The following ABHD17C variants were observed in gnomAD, a reference collection of about 807,000 sequenced individuals.
The protein encoded by ABHD17C is abhydrolase domain containing 17C, depalmitoylase.
In ABHD17C, 11 loss-of-function variants were observed where a neutral mutation model predicts 27.9. The ratio of observed to expected loss-of-function variants is 0.39; its 90% CI spans 0.25 to 0.65. The LOEUF is 0.65. Among genes scored for constraint, ABHD17C ranks in the 30% least tolerant of loss-of-function variants. The pLI, the probability that ABHD17C is intolerant of heterozygous loss-of-function variation, is 0.45. For synonymous variants in ABHD17C, 233 were observed against 209.1 expected, an observed-to-expected ratio of 1.11 and a Z score of -0.98; for missense variants, 280 against 470.2, an observed-to-expected ratio of 0.60 and a Z score of 3.74.
At chr15:80,737,185 A>G (rs185189383) in intron 1 of ABHD17C, among the ~76,000 whole-genome samples, 1 of 152,240 alleles carries the variant, frequency 6.6e-6, no homozygotes, top group Admixed American at 6.5e-5. Flanking sequence ...ACTGCCCGTG[A>G]CAAAGAGTAA....
chr15:80,725,864 G>A (rs1382068727), intron 1 of ABHD17C, among the ~76,000 whole-genome samples: 1 of 152,002 alleles, frequency 6.6e-6, no homozygotes, highest in Non-Finnish European at 1.5e-5. Flanking sequence ...TTGTTGCTGT[G>A]CTGAGACCAG....
Position 80,726,527 on chromosome 15 carries a change from T to C in ABHD17C, c.591-22986T>C, listed in dbSNP as rs1385728833. On this transcript the variant is annotated intron_variant, in intron 1 of 2. Transcript: ENST00000258884. ...TTTTTTTTTTTTTTTTTTTTTTTTTTTTGAGACGGAGCCTTGCTCTGTCGC... is the reference window on the plus strand; with the variant it reads ...TTTTTTTTTTTTTTTTTTTTTTTTTCTTGAGACGGAGCCTTGCTCTGTCGC... Among the ~76,000 whole-genome samples, 3 of 114,262 alleles carry C rather than the reference T, an allele frequency of 2.6e-5. No individual in the cohort carries two copies. The East Asian group carries it at 6.2e-4, about 24-fold the overall frequency. The allele number at this position is 114,262 out of a possible 152,430, so 75.0% of individuals were successfully genotyped here. A position where few individuals can be genotyped will look rare whatever the true frequency, so the allele number is the denominator to read the frequency against.
At chr15:80,713,382 T>TTTTTTTC (rs1567032390) in intron 1 of ABHD17C, among the ~76,000 whole-genome samples, 1 of 95,964 alleles carries the variant, frequency 1.0e-5, no homozygotes, top group Non-Finnish European at 2.5e-5. Flanking sequence ...TTTTTTTTTT[T>TTTTTTTC]CAAAATCAGC....
intron 1 of ABHD17C, among the ~76,000 whole-genome samples, chr15:80,721,201 AT>A (rs1894892905): frequency 7.7e-6 from 1 of 129,608 alleles, no homozygotes; most frequent in South Asian, 2.6e-4. Context: ...GTGTTTACCC[AT>A]CATTTTTTGT....
chr15:80,735,204 A>G (rs2759314), intron 1 of ABHD17C, among the ~76,000 whole-genome samples: 137,015 of 152,250 alleles, frequency 0.9, 61,786 homozygotes, highest in East Asian at 0.97. Context: ...CTGAGAGGTT[A>G]ACCTTTTATG....
chr15:80,722,479 C>T (rs546505305), intron 1 of ABHD17C, among the ~76,000 whole-genome samples: 41 of 151,996 alleles, frequency 2.7e-4, no homozygotes, highest in Middle Eastern at 3.4e-3. Context: ...CCTATGAAAC[C>T]ATCAAACTGT....
chr15:80,729,359 T>TA (rs1346223063), intron 1 of ABHD17C, among the ~76,000 whole-genome samples: 2 of 152,240 alleles, frequency 1.3e-5, no homozygotes, highest in African/African-American at 4.8e-5. Flanking sequence ...GAAATCTTAA[T>TA]AAAATCTTAA....
intron 1 of ABHD17C, among the ~76,000 whole-genome samples, chr15:80,739,951 G>A (rs1448060068): frequency 6.6e-6 from 1 of 152,142 alleles, no homozygotes; most frequent in Non-Finnish European, 1.5e-5. Flanking sequence ...CAGATGCTAT[G>A]TGTGTTCTGA....
chr15:80,726,328 G>A (rs1217331062), intron 1 of ABHD17C, among the ~76,000 whole-genome samples: 1 of 152,106 alleles, frequency 6.6e-6, no homozygotes, highest in African/African-American at 2.4e-5. Flanking sequence ...TTTTGTTTAC[G>A]GCCAGTTTTG....
intron 1 of ABHD17C, among the ~76,000 whole-genome samples, chr15:80,717,112 C>T (rs1193146754): frequency 1.3e-5 from 2 of 151,998 alleles, no homozygotes; most frequent in Non-Finnish European, 2.9e-5. Context: ...AAATATTTCC[C>T]TAGTTATATT....
chr15:80,748,775 G>A (rs1366246529), intron 1 of ABHD17C, among the ~76,000 whole-genome samples: 3 of 149,802 alleles, frequency 2.0e-5, no homozygotes, highest in Non-Finnish European at 3.0e-5. Context: ...AAGGCATGGG[G>A]AATGCACACC....
rs145902004 is a variant in ABHD17C at position 80,713,174 on chromosome 15, A to G, written c.590+17155A>G. Among the ~76,000 whole-genome samples, 819 of 151,640 alleles carry G rather than the reference A, an allele frequency of 5.4e-3. 4 individuals carry two copies. The highest frequency in any genetic ancestry group is 8.0e-3 in the Non-Finnish European group (540 of 67,912). ...TCCTAGCAGTGTCTTCTTGCCACCC[A>G]CATCAGCTCTCAGGCGCAGTGATGA... On this transcript the variant is annotated intron_variant, in intron 1 of 2. Coordinates refer to ENST00000258884, the MANE Select transcript of ABHD17C (RefSeq NM_021214.2).
chr15:80,725,350 A>G (rs533215941), intron 1 of ABHD17C, among the ~76,000 whole-genome samples: 1 of 152,342 alleles, frequency 6.6e-6, no homozygotes, highest in East Asian at 1.9e-4. Flanking sequence ...GACATGGGAT[A>G]GGTGAGAATT....
chr15:80,708,149 T>C (rs964936699), intron 1 of ABHD17C, among the ~76,000 whole-genome samples: 16 of 152,212 alleles, frequency 1.1e-4, no homozygotes, highest in African/African-American at 3.9e-4. Flanking sequence ...TTCATCTGAA[T>C]ATCTGGTCAG....
chr15:80,753,636 G>A (rs1895393259), intron 2 of ABHD17C, among the ~76,000 whole-genome samples: 1 of 152,166 alleles, frequency 6.6e-6, no homozygotes, highest in African/African-American at 2.4e-5. Context: ...CCCACTCCTA[G>A]TTCAAGCAAT....
At chr15:80,708,260 G>T (rs1894675739) in intron 1 of ABHD17C, among the ~76,000 whole-genome samples, 1 of 151,878 alleles carries the variant, frequency 6.6e-6, no homozygotes, top group Non-Finnish European at 1.5e-5. Context: ...TACTACACTA[G>T]CCCGTTCTCC....
At chr15:80,701,690 A>C (rs969713832) in intron 1 of ABHD17C, among the ~76,000 whole-genome samples, 6 of 152,060 alleles carry the variant, frequency 3.9e-5, no homozygotes, top group Admixed American at 6.5e-5. Flanking sequence ...AAAAAAAAAA[A>C]AACAAATGTT....
At chr15:80,703,053 A>G (rs893247701) in intron 1 of ABHD17C, 9 of 152,226 alleles carry the variant, frequency 5.9e-5, no homozygotes, top group African/African-American at 2.2e-4. Context: ...AGGCTGGGAA[A>G]TGCAAGATCG....
intron 1 of ABHD17C, among the ~76,000 whole-genome samples, chr15:80,728,563 A>C (rs992638435): frequency 1.3e-5 from 2 of 152,204 alleles, no homozygotes; most frequent in Non-Finnish European, 2.9e-5. Context: ...CTCAATGCCT[A>C]TGGGCATTTT....
Sources: allele counts gnomAD v4.1 joint callset (sites outside exome capture counted in the v4.1 genomes callset), GRCh38; gene constraint gnomAD v4.1.1; transcripts MANE v1.5; gene names NCBI Gene and HGNC (gene_info 2026-07-23, HGNC 2026-07-21).